Variants in SEC24A observed in about 807,000 individuals in gnomAD.
The protein encoded by SEC24A is protein transport protein Sec24A.
Under a neutral mutation model 129.4 loss-of-function variants are expected in SEC24A, and 93 were observed. That is an observed-to-expected ratio of 0.72 (90% CI 0.61 to 0.85). SEC24A has a LOEUF of 0.85. Ranked by LOEUF, SEC24A falls within the 40% of genes least tolerant of loss-of-function variation. The probability of loss-of-function intolerance (pLI) is 0.00; values close to 1 mark genes in which losing one functional copy is unlikely to be tolerated. For missense variants in SEC24A, 1,264 were observed against 1,307.4 expected, an observed-to-expected ratio of 0.97 and a Z score of 0.51; for synonymous variants, 460 against 467.3, an observed-to-expected ratio of 0.98 and a Z score of 0.20.
chr5:134,665,194 A>G (rs1323021422), intron 2 of SEC24A, among the ~76,000 whole-genome samples: 1 of 151,666 alleles, frequency 6.6e-6, no homozygotes, highest in Non-Finnish European at 1.5e-5. Flanking sequence ...CACGACTGTA[A>G]TTCCAGCACT....
chr5:134,708,763 G>T lies in SEC24A; in HGVS notation c.2602G>T (p.Val868Leu), dbSNP rs865926209. 4 of 1,614,186 alleles carry T rather than the reference G, an allele frequency of 2.5e-6. No homozygotes were observed. In the African/African-American group the frequency reaches 4.0e-5, roughly 16 times the overall value. ...TCTGAGTGACGCTCGGGATGCTCTA[G>T]TGAATGCAGTCATTGACTCCCTTTC... ...ASLSDARDAL[V>L]NAVIDSLSAY... is the part of the protein sequence containing the mutation. Residue 868 changes from valine to leucine, a missense_variant, in exon 18 of 23, where the codon GTG becomes TTG. By Grantham distance (32) the Val-to-Leu change is conservative. Transcript: ENST00000398844.
chr5:134,685,474 G>C (rs1220137967), intron 9 of SEC24A, among the ~76,000 whole-genome samples: 1 of 152,026 alleles, frequency 6.6e-6, no homozygotes, highest in African/African-American at 2.4e-5. Flanking sequence ...ATGATTTAAA[G>C]TATACAAAAG....
At chr5:134,689,500 C>T (rs1580714438) in intron 11 of SEC24A, among the ~76,000 whole-genome samples, 1 of 152,132 alleles carries the variant, frequency 6.6e-6, no homozygotes, top group Non-Finnish European at 1.5e-5. Flanking sequence ...CGGTGGCTCA[C>T]GCCTGTAATC....
At chr5:134,669,818 A>C (rs1224236343) in intron 3 of SEC24A, among the ~76,000 whole-genome samples, 1 of 152,118 alleles carries the variant, frequency 6.6e-6, no homozygotes, top group Non-Finnish European at 1.5e-5. Flanking sequence ...TTACTCTGTC[A>C]CACAGGCTGG....
chr5:134,654,243 C>T (rs979428188), intron 1 of SEC24A, among the ~76,000 whole-genome samples: 12 of 151,584 alleles, frequency 7.9e-5, no homozygotes, highest in Non-Finnish European at 8.8e-5. Context: ...TTTTTTGAGA[C>T]GGAGTCTCAC....
At chr5:134,656,821 G>A (rs866467274) in intron 1 of SEC24A, among the ~76,000 whole-genome samples, 102 of 142,236 alleles carry the variant, frequency 7.2e-4, no homozygotes, top group African/African-American at 2.4e-3. Flanking sequence ...TCATTCTGTC[G>A]CCCTGGCCGG....
chr5:134,712,894 A>G (rs1306716831), intron 18 of SEC24A, among the ~76,000 whole-genome samples: 1 of 147,450 alleles, frequency 6.8e-6, no homozygotes, highest in East Asian at 2.0e-4. Context: ...TTGGGATTAC[A>G]GCCATGAGCC....
chr5:134,699,521 G>T (rs1457933587), intron 15 of SEC24A, among the ~76,000 whole-genome samples: 1 of 151,580 alleles, frequency 6.6e-6, no homozygotes, highest in African/African-American at 2.4e-5. Flanking sequence ...GGATGGTCTC[G>T]ATCTCCTGAT....
At chr5:134,684,305 A>G (rs1378834336) in intron 9 of SEC24A, among the ~76,000 whole-genome samples, 1 of 149,244 alleles carries the variant, frequency 6.7e-6, no homozygotes, top group Non-Finnish European at 1.5e-5. Context: ...TCCATCTCAA[A>G]AAAAAAAAAA....
At chr5:134,649,326 A>G in intron 1 of SEC24A, 153 bp downstream of exon 1, 1 of 518,892 alleles carries the variant, frequency 1.9e-6, no homozygotes, top group South Asian at 2.6e-5. Context: ...GGACCACGGC[A>G]GTTGTGCACC....
chr5:134,657,182 G>GCACACACACACACACACACA (rs70976550), intron 1 of SEC24A, among the ~76,000 whole-genome samples: 73 of 136,298 alleles, frequency 5.4e-4, no homozygotes, highest in African/African-American at 1.4e-3. Flanking sequence ...TCTGAAAAAC[G>GCACACACACACACACACACA]CACACACACA....
At chr5:134,702,318 T>C (rs943425591) in intron 15 of SEC24A, among the ~76,000 whole-genome samples, 7 of 152,238 alleles carry the variant, frequency 4.6e-5, no homozygotes, top group Non-Finnish European at 1.0e-4. Context: ...CCCAGCATTC[T>C]TTTTCATCCT....
chr5:134,684,159 C>A (rs1450195379), intron 9 of SEC24A, among the ~76,000 whole-genome samples: 1 of 151,428 alleles, frequency 6.6e-6, no homozygotes, highest in Admixed American at 6.6e-5. Flanking sequence ...AAAAATTAGC[C>A]GGGCCTGGTG....
At chr5:134,721,506 T>C (rs1053530111) in intron 21 of SEC24A, among the ~76,000 whole-genome samples, 3 of 142,210 alleles carry the variant, frequency 2.1e-5, no homozygotes, top group South Asian at 4.3e-4. Context: ...GACATTGCAG[T>C]GAGCCAAGAT....
chr5:134,715,889 A>G (rs1241938939), intron 19 of SEC24A, among the ~76,000 whole-genome samples: 1 of 152,102 alleles, frequency 6.6e-6, no homozygotes, highest in South Asian at 2.1e-4. Flanking sequence ...GTATTTTTAA[A>G]ATATATTTTT....
intron 13 of SEC24A, among the ~76,000 whole-genome samples, chr5:134,696,457 T>C (rs1228769904): frequency 6.6e-6 from 1 of 152,108 alleles, no homozygotes; most frequent in East Asian, 1.9e-4. Context: ...TATATTTCTT[T>C]TTAAAAATAA....
chr5:134,708,573 G>A (rs968516459), intron 17 of SEC24A, 140 bp from the exon 18 acceptor site: 1 of 703,230 alleles, frequency 1.4e-6, no homozygotes, highest in Admixed American at 3.2e-5. Context: ...TTTAGCTGCT[G>A]TGTTTTGTCT....
intron 7 of SEC24A, among the ~76,000 whole-genome samples, chr5:134,677,070 A>T (rs1482539577): frequency 2.0e-5 from 3 of 152,104 alleles, no homozygotes; most frequent in African/African-American, 7.2e-5. Context: ...CTTGCAGTAA[A>T]ATTTGTTATT....
chr5:134,659,051 A>T (rs868206140), intron 1 of SEC24A, among the ~76,000 whole-genome samples: 12 of 143,334 alleles, frequency 8.4e-5, no homozygotes, highest in African/African-American at 2.1e-4. Flanking sequence ...ATTTATTTTT[A>T]TTTATTTATT....
Sources: gnomAD v4.1 joint callset for allele counts (sites outside exome capture counted in the v4.1 genomes callset) on GRCh38, gnomAD v4.1.1 for gene constraint, MANE v1.5 for transcripts, NCBI Gene and HGNC (gene_info 2026-07-23, HGNC 2026-07-21) for gene names.